Variants in SPTSSB observed in about 807,000 individuals in gnomAD.
The protein encoded by SPTSSB is serine palmitoyltransferase small subunit B.
In SPTSSB, 6 loss-of-function variants were observed where a neutral mutation model predicts 7.7. That is an observed-to-expected ratio of 0.78 (90% confidence interval 0.43 to 1.54). The LOEUF is 1.54. SPTSSB is among the 40% of genes most tolerant of loss of function. The pLI is 0.01. For missense variants in SPTSSB, 91 were observed against 93.0 expected, an observed-to-expected ratio of 0.98 and a Z score of 0.09; for synonymous variants, 28 against 29.7, an observed-to-expected ratio of 0.94 and a Z score of 0.19.
At chr3:161,354,452 C>T (rs1467704252) in intron 2 of SPTSSB, among the ~76,000 whole-genome samples, 2 of 152,232 alleles carry the variant, frequency 1.3e-5, no homozygotes, top group African/African-American at 2.4e-5. Context: ...AGATATTCTC[C>T]TTCCTCAGCC....
intron 2 of SPTSSB, among the ~76,000 whole-genome samples, chr3:161,346,658 AG>A (rs1235326281): frequency 6.6e-6 from 1 of 152,204 alleles, no homozygotes. Flanking sequence ...CTAAAAATTG[AG>A]GTTAGCCTCA....
intron 2 of SPTSSB, among the ~76,000 whole-genome samples, chr3:161,347,187 T>G (rs1714286939): frequency 6.6e-6 from 1 of 152,212 alleles, no homozygotes; most frequent in Non-Finnish European, 1.5e-5. Flanking sequence ...TAAATACTCT[T>G]CATTTTTACA....
At position 161,346,182 on chromosome 3, in the gene SPTSSB, T is replaced by C; in HGVS notation, c.142A>G (p.Thr48Ala). Residue 48 changes from threonine (T) to alanine (A), a missense_variant, in exon 3 of 3, where the codon ACT becomes GCT. Transcript: ENST00000620149. ...LLTIIAMVVY[T>A]AYVFIPIHIR... is the part of the protein sequence containing the mutation. ...TGGATTGGAATAAAGACATAGGCAG[T>C]GTATACCACCATAGCAATAATGGTT... is the stretch of plus-strand genomic sequence containing the variant. 1 of 1,612,994 alleles carries C rather than the reference T, an allele frequency of 6.2e-7. No homozygotes were observed. Among genetic ancestry groups the C allele is most frequent in the Admixed American group, 1.7e-5 (1 of 60,016 alleles).
intron 2 of SPTSSB, among the ~76,000 whole-genome samples, chr3:161,352,765 A>G (rs937566775): frequency 2.0e-5 from 3 of 152,210 alleles, no homozygotes; most frequent in Non-Finnish European, 4.4e-5. Flanking sequence ...AAAATTCAGT[A>G]CAATCTGTTT....
chr3:161,369,300 T>TTC lies in SPTSSB; in HGVS notation c.-126+2133_-126+2134dup, dbSNP rs1553804899. 6.9e-3 allele frequency among the ~76,000 whole-genome samples: 449 copies of TTC among 64,670 alleles called. 4 individuals carry two copies. The highest frequency in any genetic ancestry group is 8.6e-3 in the Non-Finnish European group (320 of 37,194). The allele number at this position is 64,670 out of a possible 152,430, so 42.4% of individuals were successfully genotyped here. ...TTCTTTCTTTCTTTTCTTTCTTTCT[T>TTC]TCTTTCTTTCTTTCTCTTTCTTTCT... is the stretch of plus-strand genomic sequence containing the variant. On this transcript the variant is annotated intron_variant, in intron 1 of 2. Coordinates refer to ENST00000620149, the MANE Select transcript of SPTSSB (RefSeq NM_001040100.2).
intron 1 of SPTSSB, among the ~76,000 whole-genome samples, chr3:161,369,924 G>A (rs1283193198): frequency 6.6e-6 from 1 of 152,114 alleles, no homozygotes; most frequent in East Asian, 1.9e-4. Context: ...TTTTCTTCGT[G>A]CTGTATGTCC....
chr3:161,368,916 T>G (rs925916766), intron 1 of SPTSSB, among the ~76,000 whole-genome samples: 2 of 152,244 alleles, frequency 1.3e-5, no homozygotes, highest in African/African-American at 4.8e-5. Flanking sequence ...GAATAATATT[T>G]TATCATTTCA....
intron 2 of SPTSSB, among the ~76,000 whole-genome samples, chr3:161,358,627 G>A (rs1189755369): frequency 6.6e-6 from 1 of 152,130 alleles, no homozygotes; most frequent in Non-Finnish European, 1.5e-5. Flanking sequence ...GAAAGAGAAT[G>A]GGATCATTTT....
chr3:161,365,151 G>A (rs1715165160), intron 1 of SPTSSB, among the ~76,000 whole-genome samples: 1 of 152,152 alleles, frequency 6.6e-6, no homozygotes, highest in African/African-American at 2.4e-5. Flanking sequence ...AGTTTGATAA[G>A]CACTTTATAT....
At position 161,345,578 on chromosome 3, in the gene SPTSSB, G is replaced by A. The variant is rs548547601; in HGVS notation, c.*515C>T. ...TTATTCTTTTGCATTTGAAGTAAAAGAATTTCCAGTATCATCAGTTTACTA... is the reference window on the plus strand; with the variant it reads ...TTATTCTTTTGCATTTGAAGTAAAAAAATTTCCAGTATCATCAGTTTACTA... On this transcript the variant is annotated 3_prime_UTR_variant, in exon 3 of 3. Transcript: ENST00000620149. The A allele has an allele frequency of 1.3e-5, 2 of 152,652 alleles. No homozygotes were observed. Among genetic ancestry groups the A allele is most frequent in the Non-Finnish European group, 2.9e-5 (2 of 68,132 alleles). 9.5% of individuals were successfully genotyped at this position (152,652 alleles called of 1,614,324 possible).
rs1421538642 is a variant in SPTSSB at position 161,345,754 on chromosome 3, A to G, written c.*339T>C. Reference sequence around the variant, plus strand: ...GTGTCAAGGGAGCACTTTAAGCATGATTCTGGTAGGTCTGTTAGGAGTCTA... The same window carrying G: ...GTGTCAAGGGAGCACTTTAAGCATGGTTCTGGTAGGTCTGTTAGGAGTCTA... On this transcript the variant is annotated 3_prime_UTR_variant, in exon 3 of 3. Coordinates refer to ENST00000620149, the MANE Select transcript of SPTSSB (RefSeq NM_001040100.2). 4.7e-6 allele frequency: 1 copy of G among 212,354 alleles called. No homozygotes were observed. The highest frequency in any genetic ancestry group is 9.6e-6 in the Non-Finnish European group (1 of 103,948). 13.2% of individuals were successfully genotyped at this position (212,354 alleles called of 1,614,324 possible).
chr3:161,346,452 G>A, intron 2 of SPTSSB, 97 bp from the exon 3 acceptor site: 1 of 601,506 alleles, frequency 1.7e-6, no homozygotes, highest in African/African-American at 1.9e-5. Flanking sequence ...TCAAAGATTT[G>A]TTAAAGATCA....
At chr3:161,358,546 G>A (rs780854078) in intron 2 of SPTSSB, among the ~76,000 whole-genome samples, 58 of 152,318 alleles carry the variant, frequency 3.8e-4, no homozygotes, top group Non-Finnish European at 7.1e-4. Flanking sequence ...CTAAGTGAAT[G>A]TTAGCTATTA....
intron 1 of SPTSSB, among the ~76,000 whole-genome samples, chr3:161,367,901 C>G (rs150081942): frequency 0.014 from 2,200 of 152,264 alleles, 26 homozygotes; most frequent in Non-Finnish European, 0.023. Flanking sequence ...TGATAAAGGA[C>G]TAGACATATC....
At chr3:161,362,346 T>G (rs1715048435) in intron 1 of SPTSSB, among the ~76,000 whole-genome samples, 1 of 152,122 alleles carries the variant, frequency 6.6e-6, no homozygotes, top group African/African-American at 2.4e-5. Context: ...CCACTTCAAA[T>G]GCATTGAGCT....
intron 1 of SPTSSB, among the ~76,000 whole-genome samples, chr3:161,365,992 A>G (rs1297741625): frequency 6.6e-6 from 1 of 152,142 alleles, no homozygotes; most frequent in African/African-American, 2.4e-5. Flanking sequence ...CTCACTTTCC[A>G]TAGTTCTGAA....
intron 1 of SPTSSB, among the ~76,000 whole-genome samples, chr3:161,365,380 G>C (rs1467568040): frequency 1.3e-5 from 2 of 152,224 alleles, no homozygotes; most frequent in Non-Finnish European, 2.9e-5. Context: ...TCCACACACA[G>C]TGTGGTTTAT....
rs147533994 is a variant in SPTSSB at position 161,346,145 on chromosome 3, G to A, written c.179C>T (p.Ala60Val). 2 of 1,612,066 alleles carry A rather than the reference G, an allele frequency of 1.2e-6. No homozygotes were observed. Among genetic ancestry groups the A allele is most frequent in the Non-Finnish European group, 1.7e-6 (2 of 1,178,178 alleles). Residue 60 changes from alanine (A) to valine (V), a missense_variant, in exon 3 of 3, where the codon GCT becomes GTT. Transcript: ENST00000620149. ...YVFIPIHIRL[A>V]WEFFSKICGY... ...ACATATTTTTGAGAAAAATTCCCAA[G>A]CCAGGCGAATGTGGATTGGAATAAA... is the stretch of plus-strand genomic sequence containing the variant.
At chr3:161,348,701 T>A (rs931987997) in intron 2 of SPTSSB, among the ~76,000 whole-genome samples, 6 of 151,874 alleles carry the variant, frequency 4.0e-5, no homozygotes, top group African/African-American at 1.5e-4. Context: ...TTAAAAAAAT[T>A]TTTTTTTTGC....
Sources: allele counts gnomAD v4.1 joint callset (sites outside exome capture counted in the v4.1 genomes callset), GRCh38; gene constraint gnomAD v4.1.1; transcripts MANE v1.5; gene names NCBI Gene and HGNC (gene_info 2026-07-23, HGNC 2026-07-21).